AGO2: variants seen among roughly 807,000 people sequenced by gnomAD.
AGO2 encodes the protein argonaute RISC catalytic component 2, also known as protein argonaute-2.
In AGO2, 5 loss-of-function variants were observed where a neutral mutation model predicts 102.3. The ratio of observed to expected loss-of-function variants is 0.05; its 90% CI spans 0.03 to 0.10. AGO2 has a LOEUF of 0.10. Ranked by LOEUF, AGO2 falls within the 10% of genes least tolerant of loss-of-function variation. The pLI is 1.00. For synonymous variants in AGO2, 449 were observed against 473.1 expected (o/e 0.95, Z 0.66); for missense variants, 541 against 1,183.7 (o/e 0.46, Z 7.97).
At chr8:140,601,886 G>A (rs926289109) in intron 1 of AGO2, among the ~76,000 whole-genome samples, 11 of 152,102 alleles carry the variant, frequency 7.2e-5, no homozygotes, top group East Asian at 3.8e-4. Context: ...GGTCAGCGGC[G>A]GGCCAGCACA....
intron 1 of AGO2, among the ~76,000 whole-genome samples, chr8:140,613,782 G>A (rs1371066916): frequency 6.6e-6 from 1 of 152,088 alleles, no homozygotes; most frequent in Non-Finnish European, 1.5e-5. Flanking sequence ...TAGGGAAGCC[G>A]AGGCAGGAGG....
chr8:140,537,313 C>A (rs2072715292), intron 16 of AGO2, among the ~76,000 whole-genome samples: 1 of 149,964 alleles, frequency 6.7e-6, no homozygotes, highest in South Asian at 2.1e-4. Context: ...TTCCAATTTT[C>A]AGGGTTTCTT....
In AGO2 at chr8:140,562,077, T is replaced by C. The variant is rs553504896; in HGVS notation, c.518+376A>G. ...CAGTCACAAAAAGCAGCGGTGATGGTCCCTAGAGTTGCAGACATGCATGCA... is the reference window on the plus strand; with the variant it reads ...CAGTCACAAAAAGCAGCGGTGATGGCCCCTAGAGTTGCAGACATGCATGCA... On this transcript the variant is annotated intron_variant, in intron 4 of 18. Transcript: ENST00000220592. Among the ~76,000 whole-genome samples, 19 of 152,258 alleles carry C rather than the reference T, an allele frequency of 1.2e-4. No individual in the cohort carries two copies. The South Asian group carries it at 3.7e-3, about 30-fold the overall frequency.
intron 1 of AGO2, among the ~76,000 whole-genome samples, chr8:140,621,402 T>C (rs1205061874): frequency 1.1e-4 from 17 of 152,210 alleles, no homozygotes; most frequent in Admixed American, 9.8e-4. Flanking sequence ...TCTGTGTTCA[T>C]GACTCAGACC....
upstream of AGO2, among the ~76,000 whole-genome samples, chr8:140,639,350 A>T (rs1342969526): frequency 6.6e-6 from 1 of 152,130 alleles, no homozygotes; most frequent in Non-Finnish European, 1.5e-5. Flanking sequence ...TTGTGGTGGC[A>T]CGCGCCTGTA....
chr8:140,552,391 G>A (rs1200589174), intron 10 of AGO2, among the ~76,000 whole-genome samples: 2 of 152,252 alleles, frequency 1.3e-5, no homozygotes, highest in Non-Finnish European at 2.9e-5. Context: ...CAAGGGAAGG[G>A]TGGGCCAGGA....
intron 12 of AGO2, among the ~76,000 whole-genome samples, chr8:140,548,534 T>G (rs201011423): frequency 1.3e-5 from 2 of 152,198 alleles, no homozygotes; most frequent in East Asian, 3.9e-4. Flanking sequence ...TGGGCAGGTG[T>G]GGGGAAATGG....
chr8:140,569,906 C>T (rs771889901), intron 3 of AGO2, among the ~76,000 whole-genome samples: 24 of 152,160 alleles, frequency 1.6e-4, no homozygotes, highest in African/African-American at 3.1e-4. Context: ...GGACCAGAGC[C>T]GCCAGAGTCC....
chr8:140,637,324 G>C (rs1312422398), upstream of AGO2: 4 of 152,094 alleles, frequency 2.6e-5, no homozygotes, highest in Non-Finnish European at 5.9e-5. Context: ...CCCAAAACTC[G>C]TTTTGGCCCG....
chr8:140,631,884 C>G (rs1404002467), intron 1 of AGO2, among the ~76,000 whole-genome samples: 1 of 152,176 alleles, frequency 6.6e-6, no homozygotes, highest in Non-Finnish European at 1.5e-5. Flanking sequence ...TGTGGAGAAC[C>G]CTGATGACTG....
chr8:140,553,276 C>T (rs902610958), intron 10 of AGO2, among the ~76,000 whole-genome samples: 6 of 151,764 alleles, frequency 4.0e-5, no homozygotes, highest in African/African-American at 1.2e-4. Flanking sequence ...CCCAGCAATT[C>T]GAGAGGCTGA....
At position 140,530,109 on chromosome 8, in the gene AGO2, G is replaced by A. The variant is rs2072564003; in HGVS notation, c.*1935C>T. ...AGATTAAAAAAAAATACAGCCAGAA[G>A]AGACTAATGCCATTAATAAGACACT... is the stretch of plus-strand genomic sequence containing the variant. On this transcript the variant is annotated 3_prime_UTR_variant, in exon 19 of 19. Coordinates refer to ENST00000220592, the MANE Select transcript of AGO2 (RefSeq NM_012154.5). The A allele has an allele frequency of 6.6e-6, 1 of 151,670 alleles. No individual in the cohort carries two copies. 9.4% of individuals were successfully genotyped at this position (151,670 alleles called of 1,614,324 possible). A position where few individuals can be genotyped will look rare whatever the true frequency, so the allele number is the denominator to read the frequency against.
At chr8:140,554,107 G>A (rs112854643) in intron 10 of AGO2, among the ~76,000 whole-genome samples, 4 of 152,354 alleles carry the variant, frequency 2.6e-5, no homozygotes, top group African/African-American at 7.2e-5. Context: ...GCTGAAGCCC[G>A]AGGGAACAGA....
chr8:140,549,403 A>C, intron 11 of AGO2, 105 bp from the exon 12 acceptor site: 1 of 1,180,986 alleles, frequency 8.5e-7, no homozygotes, highest in South Asian at 1.6e-5. Flanking sequence ...AGCCCAAAGC[A>C]CTTTCATTGA....
intron 1 of AGO2, among the ~76,000 whole-genome samples, chr8:140,619,861 C>T (rs890702352): frequency 6.6e-6 from 1 of 152,178 alleles, no homozygotes; most frequent in Non-Finnish European, 1.5e-5. Context: ...TCTGAAACAC[C>T]GGTATGATCC....
Position 140,527,100 on chromosome 8 carries a change from GA to G in AGO2, c.*4943del, listed in dbSNP as rs913338461. On this transcript the variant is annotated 3_prime_UTR_variant, in exon 19 of 19. Transcript: ENST00000220592. This position sits in a 1 kb window ranked among gnomAD's most constrained non-coding sequence, Gnocchi z 6.0. ...GCTTTGGAGAGCCACGGTAAGCGAC[GA>G]GGAATCAAACAGACCACAACAGTGT... 2 of 152,154 alleles carry G rather than the reference GA, an allele frequency of 1.3e-5. No individual in the cohort carries two copies. Among genetic ancestry groups the G allele is most frequent in the African/African-American group, 4.8e-5 (2 of 41,438 alleles). 9.4% of individuals were successfully genotyped at this position (152,154 alleles called of 1,614,324 possible). A position where few individuals can be genotyped will look rare whatever the true frequency, so the allele number is the denominator to read the frequency against.
At chr8:140,637,045 G>A (rs1314163838), upstream of AGO2, 3 of 152,378 alleles carry the variant, frequency 2.0e-5, no homozygotes, top group South Asian at 6.2e-4. Flanking sequence ...TACAGCTGGG[G>A]GTGAGAGGGC....
chr8:140,530,054 TC>T lies in AGO2; in HGVS notation c.*1989del, dbSNP rs1258480659. 3 of 151,818 alleles carry T rather than the reference TC, an allele frequency of 2.0e-5. No homozygotes were observed. Among genetic ancestry groups the T allele is most frequent in the Admixed American group, 1.3e-4 (2 of 15,248 alleles). The allele number at this position is 151,818 out of a possible 1,614,324, so 9.4% of individuals were successfully genotyped here. ...CACTAAAACAAAAGGAACTGCCATT[TC>T]TTAGAGTGGGAGCTTCTGTCATTTA... On this transcript the variant is annotated 3_prime_UTR_variant, in exon 19 of 19. Transcript: ENST00000220592.
chr8:140,595,920 T>G (rs1310486208), intron 1 of AGO2, among the ~76,000 whole-genome samples: 1 of 116,252 alleles, frequency 8.6e-6, no homozygotes, highest in Admixed American at 1.1e-4. Context: ...TAATATATAT[T>G]ATGTATATAA....
Sources: allele counts gnomAD v4.1 joint callset (sites outside exome capture counted in the v4.1 genomes callset), GRCh38; gene constraint gnomAD v4.1.1; non-coding constraint Gnocchi (gnomAD v3.1); transcripts MANE v1.5; gene names NCBI Gene and HGNC (gene_info 2026-07-23, HGNC 2026-07-21).